Variants in PLD5 observed in about 807,000 individuals in gnomAD.
PLD5 encodes the protein inactive phospholipase D5.
A neutral mutation model predicts 61.1 loss-of-function variants in PLD5; 36 were observed. That is an observed-to-expected ratio of 0.59 (90% CI 0.45 to 0.78). PLD5 has a LOEUF of 0.78. PLD5 is among the 30% of genes least tolerant of loss of function. PLD5 has a pLI of 0.00. For synonymous variants in PLD5, 243 were observed against 242.8 expected (o/e 1.00, Z -0.01); for missense variants, 515 against 644.4 (o/e 0.80, Z 2.17).
intron 1 of PLD5, among the ~76,000 whole-genome samples, chr1:242,391,075 G>C (rs894085740): frequency 7.2e-5 from 11 of 152,176 alleles, no homozygotes; most frequent in African/African-American, 2.6e-4. Context: ...GGTATCTGCA[G>C]TCCTAGCTAC....
rs575210879 is a variant in PLD5, at chr1:242,439,258, G to A, written c.189+84830C>T. On this transcript the variant is annotated intron_variant, in intron 1 of 9. Transcript: ENST00000536534. ...ATGTGGGGAAGGAGCCGGGGAAGGG[G>A]GCTTTGTTCAACAAGGTCATTCGGA... 3.2e-4 allele frequency among the ~76,000 whole-genome samples: 49 copies of A among 152,294 alleles called. No individual in the cohort carries two copies. In the South Asian group the frequency reaches 5.2e-3, roughly 16 times the overall value.
chr1:242,413,886 GAGA>G (rs1258023214), intron 1 of PLD5, among the ~76,000 whole-genome samples: 1 of 152,172 alleles, frequency 6.6e-6, no homozygotes, highest in Admixed American at 6.5e-5. Context: ...AATAAGTTAG[GAGA>G]AGGAGTAGGG....
intron 2 of PLD5, among the ~76,000 whole-genome samples, chr1:242,289,679 T>C (rs1675246407): frequency 6.6e-6 from 1 of 152,120 alleles, no homozygotes; most frequent in Admixed American, 6.6e-5. Flanking sequence ...ATGGAAAACC[T>C]CAAGTCCTTA....
chr1:242,321,470 A>T (rs561570438), intron 2 of PLD5, among the ~76,000 whole-genome samples: 20 of 152,070 alleles, frequency 1.3e-4, no homozygotes, highest in African/African-American at 4.6e-4. Flanking sequence ...TGCCCAGTTA[A>T]TTTTTGTATA....
In PLD5 at chr1:242,265,407, T is replaced by C; in HGVS notation, c.537A>G (p.Gln179=). ...CACTCACTAGCTTGATTTCAATATT[T>C]TGCGAAGTCAGCTGGAGCAACTTTT... ...LFEKLLQLTS[Q]NIEIKLVSDV... is the part of the protein sequence containing the mutation. The change falls in exon 4 of 10, where the codon CAA becomes CAG. Residue 179 remains glutamine (Q), a synonymous_variant. Coordinates refer to ENST00000536534, the MANE Select transcript of PLD5 (RefSeq NM_001372062.1). 6.2e-7 allele frequency: 1 copy of C among 1,612,620 alleles called. No homozygotes were observed. Among genetic ancestry groups the C allele is most frequent in the Non-Finnish European group, 8.5e-7 (1 of 1,179,350 alleles).
At chr1:242,220,166 G>T (rs771316638) in intron 4 of PLD5, 51 bp from the exon 5 acceptor site, 23 of 1,597,600 alleles carry the variant, frequency 1.4e-5, no homozygotes, top group Non-Finnish European at 1.9e-5. Context: ...GCCCTGCCTG[G>T]GCTGTCAGTC....
At chr1:242,413,426 TCA>T (rs1361252647) in intron 1 of PLD5, among the ~76,000 whole-genome samples, 1 of 152,144 alleles carries the variant, frequency 6.6e-6, no homozygotes, top group Non-Finnish European at 1.5e-5. Flanking sequence ...CACAAGATGT[TCA>T]CAGACTAGCA....
At chr1:242,191,246 A>T (rs1668265914) in intron 5 of PLD5, among the ~76,000 whole-genome samples, 1 of 151,986 alleles carries the variant, frequency 6.6e-6, no homozygotes, top group East Asian at 1.9e-4. Flanking sequence ...TAGAAACTAT[A>T]GTTTTGAGAA....
At chr1:242,434,997 T>G (rs747242963) in intron 1 of PLD5, among the ~76,000 whole-genome samples, 2 of 152,160 alleles carry the variant, frequency 1.3e-5, no homozygotes, top group Non-Finnish European at 2.9e-5. Context: ...TAAGCCCGTA[T>G]GCATTAGCTA....
At position 242,087,115 on chromosome 1, in the gene PLD5, G is replaced by C. The variant is rs890690849; in HGVS notation, c.*2739C>G. 6.6e-6 allele frequency: 1 copy of C among 152,184 alleles called. No individual in the cohort carries two copies. Among genetic ancestry groups the C allele is most frequent in the African/African-American group, 2.4e-5 (1 of 41,432 alleles). The allele number at this position is 152,184 out of a possible 1,614,324, so 9.4% of individuals were successfully genotyped here. A position where few individuals can be genotyped will look rare whatever the true frequency, so the allele number is the denominator to read the frequency against. ...GTTCTGCAGAATGAAATGTTCTCTTGGGAGACATGAACCCATTTCTGACAC... is the reference window on the plus strand; with the variant it reads ...GTTCTGCAGAATGAAATGTTCTCTTCGGAGACATGAACCCATTTCTGACAC... On this transcript the variant is annotated 3_prime_UTR_variant, in exon 10 of 10. Coordinates refer to ENST00000536534, the MANE Select transcript of PLD5 (RefSeq NM_001372062.1).
chr1:242,507,162 C>T (rs931779084), intron 1 of PLD5, among the ~76,000 whole-genome samples: 9 of 152,098 alleles, frequency 5.9e-5, no homozygotes, highest in Admixed American at 2.6e-4. Flanking sequence ...CCCTGATCAC[C>T]ACAAATTTTA....
chr1:242,495,313 A>G (rs1248429058), intron 1 of PLD5, among the ~76,000 whole-genome samples: 1 of 152,104 alleles, frequency 6.6e-6, no homozygotes, highest in Non-Finnish European at 1.5e-5. Context: ...GGACTTAGCT[A>G]GACGGACACC....
chr1:242,264,713 A>G (rs528894070), intron 4 of PLD5, among the ~76,000 whole-genome samples: 2 of 152,256 alleles, frequency 1.3e-5, no homozygotes, highest in East Asian at 3.9e-4. Context: ...TTTGGATAAT[A>G]AATTCCAGGG....
intron 1 of PLD5, among the ~76,000 whole-genome samples, chr1:242,522,160 G>A (rs937333759): frequency 2.0e-5 from 3 of 152,144 alleles, no homozygotes; most frequent in African/African-American, 7.2e-5. Context: ...CTCATTAAAT[G>A]TAGTTGAAAA....
At chr1:242,225,085 T>G (rs1319551476) in intron 4 of PLD5, among the ~76,000 whole-genome samples, 5 of 152,254 alleles carry the variant, frequency 3.3e-5, no homozygotes, top group Non-Finnish European at 7.3e-5. Context: ...GCCCTCTGAA[T>G]CCTGCCTCTC....
rs575996482 is a variant in PLD5, at chr1:242,170,740, G to A, written c.736-46075C>T. 1.7e-4 allele frequency among the ~76,000 whole-genome samples: 26 copies of A among 152,242 alleles called. No homozygotes were observed. In the East Asian group the frequency reaches 3.5e-3, roughly 20 times the overall value. ...ACCCGATGGAGCTGAAAAACACAGCGTGAGAACTTCGTGAAGCATACATGA... is the reference window on the plus strand; with the variant it reads ...ACCCGATGGAGCTGAAAAACACAGCATGAGAACTTCGTGAAGCATACATGA... On this transcript the variant is annotated intron_variant, in intron 5 of 9. Transcript: ENST00000536534.
intron 1 of PLD5, among the ~76,000 whole-genome samples, chr1:242,440,910 G>C (rs1666244400): frequency 6.6e-6 from 1 of 152,186 alleles, no homozygotes; most frequent in South Asian, 2.1e-4. Flanking sequence ...GAAATACAAA[G>C]AGAACTGGAT....
intron 1 of PLD5, among the ~76,000 whole-genome samples, chr1:242,455,332 A>G (rs967654964): frequency 6.6e-6 from 1 of 152,234 alleles, no homozygotes; most frequent in Admixed American, 6.5e-5. Flanking sequence ...GGATTGATTT[A>G]TACCTGAATT....
chr1:242,291,573 G>A (rs1300661515), intron 2 of PLD5, among the ~76,000 whole-genome samples: 9 of 152,078 alleles, frequency 5.9e-5, no homozygotes, highest in African/African-American at 1.7e-4. Context: ...TTGGGAGGCC[G>A]AGGCGGGCGG....
Sources: gnomAD v4.1 joint callset for allele counts (sites outside exome capture counted in the v4.1 genomes callset) on GRCh38, gnomAD v4.1.1 for gene constraint, MANE v1.5 for transcripts, NCBI Gene and HGNC (gene_info 2026-07-23, HGNC 2026-07-21) for gene names.